Variants in ABCB5 observed in about 807,000 individuals in gnomAD.
The protein encoded by ABCB5 is ATP binding cassette subfamily B member 5, also known as ATP-binding cassette sub-family B member 5.
Under a neutral mutation model 144.2 loss-of-function variants are expected in ABCB5, and 155 were observed. The ratio of observed to expected loss-of-function variants is 1.08; its 90% confidence interval spans 0.94 to 1.23. The LOEUF (loss-of-function observed/expected upper bound fraction) is 1.23. Among genes scored for constraint, ABCB5 ranks in the 50% most tolerant of loss-of-function variants. ABCB5 has a pLI of 0.00. For synonymous variants in ABCB5, 610 were observed against 528.6 expected (o/e 1.15, Z -2.11); for missense variants, 1,830 against 1,520.8 (o/e 1.20, Z -3.38).
At chr7:20,705,767 G>C (rs987332563) in intron 20 of ABCB5, among the ~76,000 whole-genome samples, 1 of 151,198 alleles carries the variant, frequency 6.6e-6, no homozygotes, top group Non-Finnish European at 1.5e-5. Context: ...GTTTCTTTTA[G>C]AGATTATTTC....
intron 20 of ABCB5, among the ~76,000 whole-genome samples, chr7:20,705,338 G>C (rs1786786274): frequency 6.6e-6 from 1 of 152,178 alleles, no homozygotes; most frequent in Admixed American, 6.5e-5. Context: ...CATAATTAGT[G>C]ATGGAATGAC....
intron 13 of ABCB5, among the ~76,000 whole-genome samples, chr7:20,656,674 T>A (rs181798502): frequency 7.1e-6 from 1 of 141,468 alleles, no homozygotes; most frequent in East Asian, 2.0e-4. Flanking sequence ...GAAATCAGTA[T>A]AATCATTCTA....
chr7:20,648,823 T>C (rs1362518630), intron 11 of ABCB5, among the ~76,000 whole-genome samples: 1 of 152,210 alleles, frequency 6.6e-6, no homozygotes, highest in Non-Finnish European at 1.5e-5. Flanking sequence ...TGATTAAAAC[T>C]TTGATCGAAA....
At chr7:20,662,245 AGGGTTGCT>A (rs1785026209) in intron 14 of ABCB5, among the ~76,000 whole-genome samples, 1 of 152,260 alleles carries the variant, frequency 6.6e-6, no homozygotes, top group Non-Finnish European at 1.5e-5. Flanking sequence ...TTGAAAACAC[AGGGTTGCT>A]TTATTGCAGC....
intron 4 of ABCB5, 145 bp downstream of exon 4, chr7:20,628,983 G>T: frequency 1.1e-6 from 1 of 908,826 alleles, no homozygotes. Context: ...CTGCCATATT[G>T]CTGGGCACTA....
chr7:20,655,287 C>T (rs1784745841), intron 13 of ABCB5, among the ~76,000 whole-genome samples: 1 of 152,124 alleles, frequency 6.6e-6, no homozygotes, highest in South Asian at 2.1e-4. Flanking sequence ...GCCTGGACAA[C>T]ATGGCAAAAC....
chr7:20,752,625 G>T (rs1782966138), intron 26 of ABCB5, among the ~76,000 whole-genome samples: 2 of 152,176 alleles, frequency 1.3e-5, no homozygotes, highest in Admixed American at 6.6e-5. Flanking sequence ...GAGGAGGGTG[G>T]ATCACGAGGT....
chr7:20,747,785 A>C (rs918977222), intron 26 of ABCB5, among the ~76,000 whole-genome samples: 2 of 152,172 alleles, frequency 1.3e-5, no homozygotes, highest in African/African-American at 4.8e-5. Flanking sequence ...TCCCCCAAAA[A>C]CACGTAGAAA....
intron 3 of ABCB5, 114 bp downstream of exon 3, chr7:20,626,725 C>A: frequency 4.5e-5 from 35 of 777,086 alleles, no homozygotes; most frequent in South Asian, 2.5e-4. Flanking sequence ...AAAGAGGGAA[C>A]TAAAATAATT....
At chr7:20,632,012 C>A in intron 4 of ABCB5, 47 bp from the exon 5 acceptor site, 1 of 1,290,194 alleles carries the variant, frequency 7.8e-7, no homozygotes, top group East Asian at 2.6e-5. Context: ...ACAGTGTGAC[C>A]AATTATAAAT....
intron 5 of ABCB5, among the ~76,000 whole-genome samples, chr7:20,633,242 G>A (rs73684601): frequency 0.023 from 3,520 of 151,976 alleles, 149 homozygotes; most frequent in African/African-American, 0.074. Flanking sequence ...TGTAATTTTA[G>A]GTATTAAACA....
At chr7:20,721,977 A>C (rs1357987994) in intron 20 of ABCB5, among the ~76,000 whole-genome samples, 1 of 152,258 alleles carries the variant, frequency 6.6e-6, no homozygotes, top group Non-Finnish European at 1.5e-5. Context: ...TCAATTATGC[A>C]TGTATGTAAA....
chr7:20,676,354 T>G lies in ABCB5; in HGVS notation c.1708-5151T>G, dbSNP rs138687012. On this transcript the variant is annotated intron_variant, in intron 14 of 27. Transcript: ENST00000404938. Reference sequence around the variant, plus strand: ...CAAGATATGGAAACAACTTAAATATTTATTGGCAGATTAACAGATAAAGAA... The same window carrying G: ...CAAGATATGGAAACAACTTAAATATGTATTGGCAGATTAACAGATAAAGAA... Among the ~76,000 whole-genome samples, 324 of 151,654 alleles carry G rather than the reference T, an allele frequency of 2.1e-3. 7 individuals carry two copies. The South Asian group carries it at 0.045, about 21-fold the overall frequency.
chr7:20,697,189 T>G lies in ABCB5; in HGVS notation c.2011-1218T>G, dbSNP rs545629158. 3.9e-5 allele frequency among the ~76,000 whole-genome samples: 6 copies of G among 152,324 alleles called. No homozygotes were observed. The East Asian group carries it at 1.2e-3, about 29-fold the overall frequency. ...TGATGGATACAATCAAATTATTAAG[T>G]AATCCAATATAAATGTGGGTTAGCC... On this transcript the variant is annotated intron_variant, in intron 16 of 27. Coordinates refer to ENST00000404938, the MANE Select transcript of ABCB5 (RefSeq NM_001163941.2).
At chr7:20,653,798 A>G (rs1348755990) in intron 13 of ABCB5, among the ~76,000 whole-genome samples, 1 of 152,218 alleles carries the variant, frequency 6.6e-6, no homozygotes, top group Non-Finnish European at 1.5e-5. Flanking sequence ...CCCAAGGCTC[A>G]CCAGAGAGTG....
chr7:20,685,317 A>AATACTACAAGGTCT (rs1277434002), intron 15 of ABCB5, among the ~76,000 whole-genome samples: 5 of 152,284 alleles, frequency 3.3e-5, no homozygotes, highest in East Asian at 3.9e-4. Flanking sequence ...TACCCAACTA[A>AATACTACAAGGTCT]ATACTACAAG....
In ABCB5 at chr7:20,753,383, G is replaced by C. The variant is rs1782990889; in HGVS notation, c.3453G>C (p.Leu1151=). 6.2e-7 allele frequency: 1 copy of C among 1,613,596 alleles called. No individual in the cohort carries two copies. The highest frequency in any genetic ancestry group is 1.3e-5 in the African/African-American group (1 of 74,932). The change falls in exon 27 of 28, where the codon CTG becomes CTC. Residue 1151 remains leucine (L), a synonymous_variant. Transcript: ENST00000404938. The stretch of plus-strand genomic sequence containing the variant: ...AGAAATACAACACACAAGTTGGACT[G>C]AAAGGAGCACAGCTTTCTGGCGGCC... ...LPEKYNTQVG[L]KGAQLSGGQK...
intron 15 of ABCB5, 85 bp downstream of exon 15, chr7:20,681,751 T>C (rs543963703): frequency 2.8e-4 from 416 of 1,489,706 alleles, no homozygotes; most frequent in Non-Finnish European, 3.6e-4. Context: ...AGTTGCAAAT[T>C]ATAATCTTAA....
chr7:20,720,458 C>A (rs765583059), intron 20 of ABCB5, among the ~76,000 whole-genome samples: 1 of 152,224 alleles, frequency 6.6e-6, no homozygotes, highest in South Asian at 2.1e-4. Context: ...TACAAGTGAA[C>A]AATGCCTGGA....
Sources: allele counts gnomAD v4.1 joint callset (sites outside exome capture counted in the v4.1 genomes callset), GRCh38; gene constraint gnomAD v4.1.1; transcripts MANE v1.5; gene names NCBI Gene and HGNC (gene_info 2026-07-23, HGNC 2026-07-21).